LRRC8D: variants seen among roughly 807,000 people sequenced by gnomAD.
LRRC8D encodes the protein leucine rich repeat containing 8 VRAC subunit D.
A neutral mutation model predicts 55.8 loss-of-function variants in LRRC8D; 20 were observed. The ratio of observed to expected loss-of-function variants is 0.36; its 90% CI spans 0.25 to 0.52. The LOEUF (loss-of-function observed/expected upper bound fraction) is 0.52. Among genes scored for constraint, LRRC8D ranks in the 20% least tolerant of loss-of-function variants. The pLI is 0.93. For synonymous variants in LRRC8D, 352 were observed against 377.0 expected (o/e 0.93, Z 0.77); for missense variants, 651 against 1,030.8 (o/e 0.63, Z 5.05).
chr1:89,921,324 G>A (rs1279180405), intron 2 of LRRC8D, among the ~76,000 whole-genome samples: 1 of 152,138 alleles, frequency 6.6e-6, no homozygotes, highest in African/African-American at 2.4e-5. Context: ...GACAACTGGA[G>A]TGAGACCCTA....
At position 89,935,448 on chromosome 1, in the gene LRRC8D, G is replaced by C. The variant is rs1663823239; in HGVS notation, c.2380G>C (p.Val794Leu). ...QNCITSLPEK[V>L]GQLSQLTQLE... ...CTGCATCACCTCACTCCCAGAGAAA[G>C]TTGGTCAGCTCTCCCAGCTCACTCA... Residue 794 changes from valine to leucine, a missense_variant, in exon 3 of 3, where the codon GTT (valine) becomes CTT (leucine). By Grantham distance (32) the Val-to-Leu change is conservative (BLOSUM62 1). Around this residue, in one of 5 missense-constraint regions of LRRC8D, gnomAD observed 338 missense variants for 479.4 expected, o/e 0.71. Coordinates refer to ENST00000337338, the MANE Select transcript of LRRC8D (RefSeq NM_001134479.2). 2 of 1,614,126 alleles carry C rather than the reference G, an allele frequency of 1.2e-6. No individual in the cohort carries two copies. The highest frequency in any genetic ancestry group is 2.7e-5 in the African/African-American group (2 of 74,954).
chr1:89,895,554 T>G (rs1662686336), intron 2 of LRRC8D, among the ~76,000 whole-genome samples: 3 of 152,252 alleles, frequency 2.0e-5, no homozygotes, highest in Admixed American at 2.0e-4. Context: ...ATGTACTGTT[T>G]GTTTTTTTAC....
chr1:89,889,436 G>T (rs1662505437), intron 2 of LRRC8D, among the ~76,000 whole-genome samples: 1 of 152,148 alleles, frequency 6.6e-6, no homozygotes, highest in South Asian at 2.1e-4. Context: ...TGCAAAAAGT[G>T]TGGGCTTTAG....
chr1:89,847,674 C>T (rs928396424), intron 2 of LRRC8D, among the ~76,000 whole-genome samples: 2 of 152,020 alleles, frequency 1.3e-5, no homozygotes, highest in African/African-American at 4.8e-5. Context: ...TAAAAAATGC[C>T]TTCTTAGTCA....
chr1:89,912,386 C>CA (rs1359787670), intron 2 of LRRC8D, among the ~76,000 whole-genome samples: 1 of 152,040 alleles, frequency 6.6e-6, no homozygotes, highest in African/African-American at 2.4e-5. Flanking sequence ...CCCCATCCTT[C>CA]AATTTTCCAA....
At chr1:89,895,488 AT>A (rs74575426) in intron 2 of LRRC8D, among the ~76,000 whole-genome samples, 19,503 of 151,986 alleles carry the variant, frequency 0.13, 1,599 homozygotes, top group South Asian at 0.17. Context: ...ATGTGTAATA[AT>A]TTTTTTTCTA....
At chr1:89,836,455 G>A (rs557224083) in intron 1 of LRRC8D, among the ~76,000 whole-genome samples, 5 of 152,158 alleles carry the variant, frequency 3.3e-5, no homozygotes, top group Non-Finnish European at 7.3e-5. Flanking sequence ...CATATTTGTA[G>A]TGGGGCCAGA....
intron 2 of LRRC8D, among the ~76,000 whole-genome samples, chr1:89,925,717 G>A (rs1286974830): frequency 6.6e-6 from 1 of 152,222 alleles, no homozygotes; most frequent in Non-Finnish European, 1.5e-5. Flanking sequence ...CAAAGTGCTT[G>A]TGCATCTTTA....
At chr1:89,870,851 A>T (rs1218851502) in intron 2 of LRRC8D, among the ~76,000 whole-genome samples, 1 of 152,174 alleles carries the variant, frequency 6.6e-6, no homozygotes, top group Admixed American at 6.5e-5. Flanking sequence ...CTTTGTGAAC[A>T]TTTGTTCAAT....
chr1:89,885,248 G>A (rs997168171), intron 2 of LRRC8D, among the ~76,000 whole-genome samples: 1 of 152,148 alleles, frequency 6.6e-6, no homozygotes, highest in Non-Finnish European at 1.5e-5. Context: ...CTTAACCTTA[G>A]ACATAGAATG....
chr1:89,917,991 C>G (rs1418909528), intron 2 of LRRC8D, among the ~76,000 whole-genome samples: 1 of 152,188 alleles, frequency 6.6e-6, no homozygotes, highest in African/African-American at 2.4e-5. Context: ...TCTGAATTTA[C>G]TCCCCAAGCT....
intron 2 of LRRC8D, among the ~76,000 whole-genome samples, chr1:89,857,359 G>A (rs1661584832): frequency 1.5e-5 from 2 of 136,426 alleles, no homozygotes; most frequent in East Asian, 2.1e-4. Context: ...TCCAGCCTGG[G>A]CAACAAGAGC....
chr1:89,903,376 T>A (rs1169294664), intron 2 of LRRC8D, among the ~76,000 whole-genome samples: 1 of 152,232 alleles, frequency 6.6e-6, no homozygotes, highest in Non-Finnish European at 1.5e-5. Flanking sequence ...TTATATCTCT[T>A]CTCTGTAACG....
At chr1:89,826,449 A>G (rs1197427030) in intron 1 of LRRC8D, among the ~76,000 whole-genome samples, 7 of 152,074 alleles carry the variant, frequency 4.6e-5, no homozygotes. Flanking sequence ...TATTTTTAGT[A>G]GAGATGGGGT....
chr1:89,905,945 T>C (rs1312229895), intron 2 of LRRC8D, among the ~76,000 whole-genome samples: 18 of 152,170 alleles, frequency 1.2e-4, no homozygotes, highest in Admixed American at 1.2e-3. Flanking sequence ...TCTTCAAAGG[T>C]AGCTGAGACC....
intron 2 of LRRC8D, among the ~76,000 whole-genome samples, chr1:89,861,028 C>T (rs1014146023): frequency 6.6e-6 from 1 of 151,854 alleles, no homozygotes; most frequent in Admixed American, 6.6e-5. Flanking sequence ...CCATGCAGAG[C>T]TGGGCTGAAT....
chr1:89,881,802 A>G (rs946372964), intron 2 of LRRC8D, among the ~76,000 whole-genome samples: 4 of 152,266 alleles, frequency 2.6e-5, no homozygotes, highest in African/African-American at 7.2e-5. Context: ...TTCATTTCCA[A>G]ATTCATAGTT....
rs756503041 is a variant in LRRC8D, at chr1:89,933,415, C to T, written c.347C>T (p.Pro116Leu). 9 of 1,613,976 alleles carry T rather than the reference C, an allele frequency of 5.6e-6. No homozygotes were observed. The South Asian group carries it at 8.8e-5, about 16-fold the overall frequency. Reference protein sequence around the residue: ...TPDIPLRATYPRTDFALPNQE... With the variant: ...TPDIPLRATYLRTDFALPNQE... Reference sequence around the variant, plus strand: ...GACATACCTCTCAGAGCCACATATCCTCGCACAGATTTCGCACTTCCAAAT... The same window carrying T: ...GACATACCTCTCAGAGCCACATATCTTCGCACAGATTTCGCACTTCCAAAT... Residue 116 changes from proline (P) to leucine (L), a missense_variant, in exon 3 of 3, where the codon CCT becomes CTT. Transcript: ENST00000337338. The surrounding 1 kb of genome is among the most constrained non-coding windows in gnomAD (Gnocchi z 7.0).
chr1:89,846,329 T>C (rs1661279996), intron 2 of LRRC8D, among the ~76,000 whole-genome samples: 2 of 147,042 alleles, frequency 1.4e-5, no homozygotes, highest in African/African-American at 5.0e-5. Context: ...TTTTTTTTTT[T>C]ACTCCTTTCA....
Sources: allele counts gnomAD v4.1 joint callset (sites outside exome capture counted in the v4.1 genomes callset), GRCh38; gene constraint gnomAD v4.1.1; regional missense constraint gnomAD v4.1.1; non-coding constraint Gnocchi (gnomAD v3.1); transcripts MANE v1.5; gene names NCBI Gene and HGNC (gene_info 2026-07-23, HGNC 2026-07-21).